ITPR2: variants seen among roughly 807,000 people sequenced by gnomAD.
ITPR2 encodes inositol 1,4,5-trisphosphate-gated calcium channel ITPR2.
Under a neutral mutation model 317.1 loss-of-function variants are expected in ITPR2, and 207 were observed. The ratio of observed to expected loss-of-function variants is 0.65; its 90% CI spans 0.58 to 0.73. ITPR2 has a LOEUF of 0.73. ITPR2 is among the 30% of genes least tolerant of loss of function. The pLI is 0.00. For synonymous variants in ITPR2, 1,156 were observed against 1,149.1 expected (o/e 1.01, Z -0.12); for missense variants, 2,613 against 3,284.0 (o/e 0.80, Z 4.99).
At chr12:26,417,160 C>A (rs900866018) in intron 50 of ITPR2, among the ~76,000 whole-genome samples, 14 of 151,974 alleles carry the variant, frequency 9.2e-5, no homozygotes, top group African/African-American at 3.4e-4. Flanking sequence ...TACTTACATA[C>A]GATTTTTGAT....
intron 55 of ITPR2, among the ~76,000 whole-genome samples, chr12:26,347,628 A>G (rs1335386089): frequency 6.6e-6 from 1 of 152,216 alleles, no homozygotes; most frequent in Non-Finnish European, 1.5e-5. Flanking sequence ...ATCACTCTGC[A>G]TGTCTAATGG....
chr12:26,360,292 G>GC (rs1365789017), intron 55 of ITPR2, among the ~76,000 whole-genome samples: 1 of 152,106 alleles, frequency 6.6e-6, no homozygotes, highest in Non-Finnish European at 1.5e-5. Context: ...TTACCGGGGG[G>GC]CTCAGAGAAC....
At chr12:26,642,379 T>G (rs1424735757) in intron 21 of ITPR2, among the ~76,000 whole-genome samples, 1 of 152,184 alleles carries the variant, frequency 6.6e-6, no homozygotes, top group Non-Finnish European at 1.5e-5. Flanking sequence ...ACCACCCTTA[T>G]GAATGGATTA....
rs376066655 is a variant in ITPR2 at position 26,730,129 on chromosome 12, G to A, written c.164-4364C>T. On this transcript the variant is annotated intron_variant, in intron 2 of 56. Transcript: ENST00000381340. Reference sequence around the variant, plus strand: ...CCACCCCTTTGGTTTAAGATGCCACGATGTGTCTTTGTATACACTTCTCAA... The same window carrying A: ...CCACCCCTTTGGTTTAAGATGCCACAATGTGTCTTTGTATACACTTCTCAA... Among the ~76,000 whole-genome samples the A allele has an allele frequency of 3.9e-5, 6 of 152,230 alleles. 1 individual carries two copies. The highest frequency in any genetic ancestry group is 1.2e-4 in the African/African-American group (5 of 41,538).
At chr12:26,350,019 T>C (rs1355016748) in intron 55 of ITPR2, among the ~76,000 whole-genome samples, 1 of 152,126 alleles carries the variant, frequency 6.6e-6, no homozygotes, top group Non-Finnish European at 1.5e-5. Flanking sequence ...AGCACAGCCA[T>C]GATGGGAGGG....
intron 2 of ITPR2, among the ~76,000 whole-genome samples, chr12:26,774,645 T>G (rs1352292923): frequency 6.6e-6 from 1 of 152,198 alleles, no homozygotes; most frequent in East Asian, 1.9e-4. Context: ...TCACAGGTCT[T>G]TCAATTAAAG....
intron 45 of ITPR2, among the ~76,000 whole-genome samples, chr12:26,465,639 C>G (rs1942153525): frequency 6.6e-6 from 1 of 152,084 alleles, no homozygotes; most frequent in Non-Finnish European, 1.5e-5. Context: ...CTTGCTCTGC[C>G]ATACTCACTT....
intron 37 of ITPR2, among the ~76,000 whole-genome samples, chr12:26,524,086 C>T (rs767685786): frequency 6.6e-6 from 1 of 152,166 alleles, no homozygotes; most frequent in South Asian, 2.1e-4. Flanking sequence ...TCACACAGTA[C>T]ACAAGATTAT....
chr12:26,417,158 T>C (rs1408191264), intron 50 of ITPR2, among the ~76,000 whole-genome samples: 1 of 152,140 alleles, frequency 6.6e-6, no homozygotes, highest in Non-Finnish European at 1.5e-5. Context: ...TATACTTACA[T>C]ACGATTTTTG....
chr12:26,525,594 C>A (rs909715380), intron 37 of ITPR2, among the ~76,000 whole-genome samples: 19 of 152,250 alleles, frequency 1.2e-4, no homozygotes, highest in Admixed American at 1.0e-3. Context: ...TGTTTTTATT[C>A]TCCAAATTCA....
chr12:26,567,997 T>TA (rs1284996609), intron 34 of ITPR2, among the ~76,000 whole-genome samples: 2 of 4,802 alleles, frequency 4.2e-4, no homozygotes, highest in African/African-American at 1.0e-3. Context: ...TATATATATA[T>TA]TATATATATT....
intron 55 of ITPR2, among the ~76,000 whole-genome samples, chr12:26,353,921 C>T (rs572460384): frequency 6.6e-6 from 1 of 152,100 alleles, no homozygotes; most frequent in East Asian, 1.9e-4. Context: ...AAAAACCATC[C>T]CCAGAAATTG....
chr12:26,491,383 T>A (rs893441259), intron 39 of ITPR2, among the ~76,000 whole-genome samples: 1 of 144,446 alleles, frequency 6.9e-6, no homozygotes, highest in African/African-American at 2.6e-5. Context: ...CTCGGGAGGC[T>A]GAGGAAGGAG....
At chr12:26,464,218 C>T (rs141982658) in intron 45 of ITPR2, among the ~76,000 whole-genome samples, 53 of 152,182 alleles carry the variant, frequency 3.5e-4, no homozygotes, top group African/African-American at 1.1e-3. Flanking sequence ...ATATTTATTG[C>T]GCACATTATT....
At chr12:26,790,770 G>A (rs763476868) in intron 1 of ITPR2, among the ~76,000 whole-genome samples, 3 of 152,136 alleles carry the variant, frequency 2.0e-5, no homozygotes, top group African/African-American at 4.8e-5. Flanking sequence ...GGCTTCTGGA[G>A]TGCCCATAGA....
intron 2 of ITPR2, among the ~76,000 whole-genome samples, chr12:26,784,574 C>T (rs972789016): frequency 2.6e-5 from 4 of 151,734 alleles, no homozygotes; most frequent in African/African-American, 4.8e-5. Flanking sequence ...CAGCTCCTAA[C>T]CGCGAGTGAT....
chr12:26,647,118 A>C (rs570046355), intron 21 of ITPR2, among the ~76,000 whole-genome samples: 1 of 152,346 alleles, frequency 6.6e-6, no homozygotes, highest in African/African-American at 2.4e-5. Flanking sequence ...AACGATGTAG[A>C]CTTTATTGTT....
At chr12:26,524,621 C>T (rs2344162) in intron 37 of ITPR2, among the ~76,000 whole-genome samples, 13,845 of 152,066 alleles carry the variant, frequency 0.091, 811 homozygotes, top group African/African-American at 0.17. Flanking sequence ...GGTCTATGTA[C>T]AGGATCTTGA....
chr12:26,632,563 T>A (rs910531951), intron 21 of ITPR2, among the ~76,000 whole-genome samples: 1 of 152,184 alleles, frequency 6.6e-6, no homozygotes, highest in Non-Finnish European at 1.5e-5. Context: ...AAAAAGAGCT[T>A]GTGAGGAGGA....
Sources: allele counts gnomAD v4.1 joint callset (sites outside exome capture counted in the v4.1 genomes callset), GRCh38; gene constraint gnomAD v4.1.1; transcripts MANE v1.5; gene names NCBI Gene and HGNC (gene_info 2026-07-23, HGNC 2026-07-21).